Variants in SLC6A5 observed in about 807,000 individuals in gnomAD.
The protein encoded by SLC6A5 is solute carrier family 6 member 5.
SLC6A5 carries 58 observed loss-of-function variants against 90.5 expected under a neutral mutation model. That is an observed-to-expected ratio of 0.64 (90% confidence interval 0.52 to 0.80). The LOEUF is 0.80. Among genes scored for constraint, SLC6A5 ranks in the 30% least tolerant of loss-of-function variants. The pLI, the probability that SLC6A5 is intolerant of heterozygous loss-of-function variation, is 0.00. For synonymous variants in SLC6A5, 427 were observed against 401.4 expected, an observed-to-expected ratio of 1.06 and a Z score of -0.76; for missense variants, 1,015 against 1,017.6, an observed-to-expected ratio of 1.00 and a Z score of 0.03.
rs2133784664 is a variant in SLC6A5 at position 20,614,721 on chromosome 11, A to G, written c.1028A>G (p.Asn343Ser). The part of the protein sequence containing the change: ...ISDHPKIQIK[N>S]STFCMTAYPN... ...GACCATCCCAAAATACAGATCAAGA[A>G]CTCGACTTTCTGCATGACCGCTTAT... Residue 343 changes from asparagine to serine, a missense_variant, in exon 6 of 16, where the codon AAC becomes AGC. Transcript: ENST00000525748. The G allele has an allele frequency of 1.9e-6, 3 of 1,613,942 alleles. No individual in the cohort carries two copies. Among genetic ancestry groups the G allele is most frequent in the Non-Finnish European group, 1.7e-6 (2 of 1,179,838 alleles).
At chr11:20,637,148 G>C in intron 11 of SLC6A5, 24 bp from the exon 12 acceptor site, 1 of 1,613,484 alleles carries the variant, frequency 6.2e-7, no homozygotes. Context: ...TGACTCAGAT[G>C]TTCATTTCCT....
At chr11:20,628,157 C>G in intron 9 of SLC6A5, 74 bp downstream of exon 9, 1 of 1,186,226 alleles carries the variant, frequency 8.4e-7, no homozygotes, top group Non-Finnish European at 1.3e-6. Flanking sequence ...TATCAGACAC[C>G]TGAGGCCACA....
In SLC6A5 at chr11:20,655,215, G is replaced by A. The variant is rs184357145; in HGVS notation, c.*347G>A. ...GAGGTATCCACTGTGTGATGGCATGGGGGGTGCCAGTAAGGCATGTATAGA... is the reference window on the plus strand; with the variant it reads ...GAGGTATCCACTGTGTGATGGCATGAGGGGTGCCAGTAAGGCATGTATAGA... On this transcript the variant is annotated 3_prime_UTR_variant, in exon 16 of 16. Transcript: ENST00000525748. The A allele has an allele frequency of 7.1e-5, 26 of 365,170 alleles. No individual in the cohort carries two copies. Among genetic ancestry groups the A allele is most frequent in the African/African-American group, 5.3e-4 (25 of 47,418 alleles). The allele number at this position is 365,170 out of a possible 1,614,324, so 22.6% of individuals were successfully genotyped here. A position where few individuals can be genotyped will look rare whatever the true frequency, so the allele number is the denominator to read the frequency against.
chr11:20,639,682 A>ACCC (rs1394392307), intron 13 of SLC6A5, among the ~76,000 whole-genome samples: 29 of 152,166 alleles, frequency 1.9e-4, no homozygotes, highest in Non-Finnish European at 3.8e-4. Context: ...GCTTTTCTGG[A>ACCC]AAACTCATTA....
At chr11:20,626,574 C>A in intron 7 of SLC6A5, 134 bp from the exon 8 acceptor site, 1 of 933,110 alleles carries the variant, frequency 1.1e-6, no homozygotes, top group Non-Finnish European at 1.7e-6. Context: ...CCAGCCCTGG[C>A]TGCATTTGGG....
At chr11:20,633,594 G>A (rs1411697262) in intron 10 of SLC6A5, among the ~76,000 whole-genome samples, 2 of 152,150 alleles carry the variant, frequency 1.3e-5, no homozygotes, top group Admixed American at 6.5e-5. Context: ...AGGCTCTCAT[G>A]GTAGGATCTC....
At chr11:20,616,389 C>T (rs1221871307) in intron 6 of SLC6A5, among the ~76,000 whole-genome samples, 1 of 152,184 alleles carries the variant, frequency 6.6e-6, no homozygotes, top group African/African-American at 2.4e-5. Context: ...TTAATCCATG[C>T]AGTCAGGTGT....
chr11:20,642,643 G>C (rs1004752954), intron 13 of SLC6A5, among the ~76,000 whole-genome samples: 1 of 152,156 alleles, frequency 6.6e-6, no homozygotes, highest in Non-Finnish European at 1.5e-5. Context: ...CATGAGTTAG[G>C]CCTTGAAGGC....
Position 20,630,951 on chromosome 11 carries a change from G to C in SLC6A5, c.1624+136G>C, listed in dbSNP as rs1044086015. On this transcript the variant is annotated intron_variant, in intron 10 of 15. Transcript: ENST00000525748. ...GGAGGAGCCCAGGTCCTTCTTTACA[G>C]AGGGACCAAGGCAGGCTCAAGTAGG... 6.2e-6 allele frequency: 6 copies of C among 963,182 alleles called. No homozygotes were observed. The African/African-American group carries it at 9.8e-5, about 16-fold the overall frequency. 59.7% of individuals were successfully genotyped at this position (963,182 alleles called of 1,614,324 possible).
At chr11:20,648,419 T>C (rs1401786) in intron 14 of SLC6A5, among the ~76,000 whole-genome samples, 62,747 of 152,016 alleles carry the variant, frequency 0.41, 13,824 homozygotes, top group African/African-American at 0.55. Flanking sequence ...TCCCTCTGCG[T>C]TGACATGAAC....
chr11:20,608,050 T>G (rs1214542538), intron 5 of SLC6A5, among the ~76,000 whole-genome samples: 1 of 152,226 alleles, frequency 6.6e-6, no homozygotes, highest in East Asian at 1.9e-4. Flanking sequence ...CCCTAGCCTT[T>G]CTGAATAGAT....
At chr11:20,634,509 C>T (rs1416651019) in intron 10 of SLC6A5, among the ~76,000 whole-genome samples, 1 of 152,204 alleles carries the variant, frequency 6.6e-6, no homozygotes, top group East Asian at 1.9e-4. Context: ...AGCTGAGGAC[C>T]TCTGGTAGTG....
At chr11:20,617,020 A>T (rs1340193874) in intron 6 of SLC6A5, among the ~76,000 whole-genome samples, 1 of 152,228 alleles carries the variant, frequency 6.6e-6, no homozygotes, top group Non-Finnish European at 1.5e-5. Flanking sequence ...GTTATCAGGC[A>T]CTGTCCCTGA....
Position 20,636,296 on chromosome 11 carries a change from G to A in SLC6A5, c.1625-11G>A. On this transcript the variant is annotated splice_polypyrimidine_tract_variant and intron_variant, in intron 10 of 15. Coordinates refer to ENST00000525748, the MANE Select transcript of SLC6A5 (RefSeq NM_004211.5). The stretch of plus-strand genomic sequence containing the variant: ...GGGCCTGCCTGCAATCATCTGTCTT[G>A]TTCCTTCCAGGGCCAGGCATTGCAT... 2 of 1,581,900 alleles carry A rather than the reference G, an allele frequency of 1.3e-6. No homozygotes were observed. Among genetic ancestry groups the A allele is most frequent in the South Asian group, 2.2e-5 (2 of 90,460 alleles).
intron 9 of SLC6A5, among the ~76,000 whole-genome samples, chr11:20,630,052 G>A (rs1853079100): frequency 6.6e-6 from 1 of 152,144 alleles, no homozygotes; most frequent in Non-Finnish European, 1.5e-5. Flanking sequence ...TCATCCTATA[G>A]TGCTATAGAA....
intron 14 of SLC6A5, among the ~76,000 whole-genome samples, chr11:20,648,355 A>G (rs1277669751): frequency 6.6e-6 from 1 of 152,122 alleles, no homozygotes; most frequent in Admixed American, 6.5e-5. Flanking sequence ...AAAACATCTC[A>G]ATTTCTTTCT....
chr11:20,622,732 T>C (rs1045177369), intron 7 of SLC6A5, among the ~76,000 whole-genome samples: 1 of 152,186 alleles, frequency 6.6e-6, no homozygotes, highest in Non-Finnish European at 1.5e-5. Context: ...CATGCCAGCC[T>C]TGGAGATTTC....
chr11:20,607,685 T>C (rs771442757), intron 5 of SLC6A5, 33 bp downstream of exon 5: 4 of 1,529,018 alleles, frequency 2.6e-6, no homozygotes, highest in East Asian at 2.3e-5. Flanking sequence ...TAGGTGTGTG[T>C]ATTCTAAACT....
chr11:20,622,069 C>G (rs1852901415), intron 7 of SLC6A5, among the ~76,000 whole-genome samples: 1 of 152,196 alleles, frequency 6.6e-6, no homozygotes, highest in African/African-American at 2.4e-5. Context: ...CCAACAGGCT[C>G]AGATGGGCGA....
Sources: gnomAD v4.1 joint callset for allele counts (sites outside exome capture counted in the v4.1 genomes callset) on GRCh38, gnomAD v4.1.1 for gene constraint, MANE v1.5 for transcripts, NCBI Gene and HGNC (gene_info 2026-07-23, HGNC 2026-07-21) for gene names.